Variants in TGM3 observed in about 807,000 individuals in gnomAD.
The protein encoded by TGM3 is transglutaminase 3.
In TGM3, 52 loss-of-function variants were observed where a neutral mutation model predicts 73.8. The observed-to-expected ratio is 0.70, with a 90% CI of 0.56 to 0.89. The LOEUF (loss-of-function observed/expected upper bound fraction) is 0.89, where lower values mean the gene tolerates loss of function less well. Ranked by LOEUF, TGM3 falls within the 40% of genes least tolerant of loss-of-function variation. The pLI is 0.00. For synonymous variants in TGM3, 372 were observed against 354.9 expected (o/e 1.05, Z -0.54); for missense variants, 928 against 909.9 (o/e 1.02, Z -0.26).
intron 7 of TGM3, among the ~76,000 whole-genome samples, chr20:2,319,824 C>T (rs2084253770): frequency 1.3e-5 from 2 of 152,258 alleles, no homozygotes; most frequent in Admixed American, 6.5e-5. Flanking sequence ...CAGGGAGTCC[C>T]AAGCACTAGC....
rs759823191 is a variant in TGM3, at chr20:2,334,826, C to T, written c.1643-290C>T. On this transcript the variant is annotated intron_variant, in intron 10 of 12. Coordinates refer to ENST00000381458, the MANE Select transcript of TGM3 (RefSeq NM_003245.4). The surrounding 1 kb of genome is among the most constrained non-coding windows in gnomAD (Gnocchi z 4.0). ...AAAAAAAAGGACACTTGCCCTCCAA[C>T]ATTTTTCGGAGTCGGGAGGAAGCAG... Among the ~76,000 whole-genome samples the T allele has an allele frequency of 5.9e-5, 9 of 152,244 alleles. No individual in the cohort carries two copies. The highest frequency in any genetic ancestry group is 1.0e-4 in the Non-Finnish European group (7 of 68,042).
At chr20:2,307,496 A>C (rs974423565) in intron 1 of TGM3, among the ~76,000 whole-genome samples, 1 of 151,796 alleles carries the variant, frequency 6.6e-6, no homozygotes, top group Non-Finnish European at 1.5e-5. Flanking sequence ...ACCCGGCAAA[A>C]TTCTCTCTCC....
intron 1 of TGM3, among the ~76,000 whole-genome samples, chr20:2,299,146 TTGTG>T (rs1203217918): frequency 3.9e-5 from 6 of 152,132 alleles, no homozygotes; most frequent in Admixed American, 1.3e-4. Flanking sequence ...GTCACTTAAC[TTGTG>T]TGTCTCAGTT....
At chr20:2,316,219 T>C (rs937095161) in intron 5 of TGM3, among the ~76,000 whole-genome samples, 1 of 152,208 alleles carries the variant, frequency 6.6e-6, no homozygotes, top group East Asian at 1.9e-4. Flanking sequence ...AATAGCTGAA[T>C]GAATGAAAGA....
At chr20:2,312,356 C>T (rs190192559) in intron 4 of TGM3, among the ~76,000 whole-genome samples, 3 of 133,516 alleles carry the variant, frequency 2.2e-5, no homozygotes, top group Admixed American at 8.9e-5. Context: ...GAGATCATAC[C>T]ACTGCACTCC....
rs214830 is a variant in TGM3 at position 2,340,459 on chromosome 20, G to T, written c.1960G>T (p.Gly654Trp). The T allele has an allele frequency of 7.3e-5, 118 of 1,613,748 alleles. No homozygotes were observed. Among genetic ancestry groups the T allele is most frequent in the East Asian group, 5.4e-4 (24 of 44,844 alleles). The change falls in exon 13 of 13, where the codon GGG becomes TGG. Residue 654 changes from glycine to tryptophan, a missense_variant. Physicochemically the swap from Gly to Trp is radical, Grantham distance 184. Coordinates refer to ENST00000381458, the MANE Select transcript of TGM3 (RefSeq NM_003245.4). ...IDVPTLGPKE[G>W]SRVRFDILPS... ...CGTGCCGACCCTAGGGCCCAAGGAGGGGTCCCGGGTCCGTTTTGATATCCT... is the reference window on the plus strand; with the variant it reads ...CGTGCCGACCCTAGGGCCCAAGGAGTGGTCCCGGGTCCGTTTTGATATCCT...
At chr20:2,300,353 T>C (rs559986578) in intron 1 of TGM3, among the ~76,000 whole-genome samples, 112 of 152,290 alleles carry the variant, frequency 7.4e-4, no homozygotes, top group African/African-American at 2.6e-3. Context: ...CTCAGACCAA[T>C]AGAACATTCC....
chr20:2,296,863 G>T (rs2084111446), intron 1 of TGM3, among the ~76,000 whole-genome samples: 1 of 152,174 alleles, frequency 6.6e-6, no homozygotes, highest in South Asian at 2.1e-4. Flanking sequence ...TGACAGGGAC[G>T]CCAAATCCAA....
intron 1 of TGM3, among the ~76,000 whole-genome samples, chr20:2,305,494 C>A (rs991856245): frequency 3.3e-5 from 5 of 152,364 alleles, no homozygotes; most frequent in African/African-American, 1.2e-4. Flanking sequence ...ACTACCTGGT[C>A]TCTCTGAGCC....
intron 1 of TGM3, among the ~76,000 whole-genome samples, chr20:2,308,305 A>G (rs992164371): frequency 1.3e-5 from 2 of 152,214 alleles, no homozygotes; most frequent in Non-Finnish European, 2.9e-5. Flanking sequence ...TGTGTCTGGC[A>G]CTGGAATGCA....
chr20:2,331,151 T>C (rs536893616), intron 9 of TGM3, among the ~76,000 whole-genome samples: 20 of 152,216 alleles, frequency 1.3e-4, no homozygotes, highest in African/African-American at 4.8e-4. Flanking sequence ...CACTCTTCCT[T>C]GTGTACCTGT....
intron 7 of TGM3, among the ~76,000 whole-genome samples, chr20:2,318,391 A>G (rs2084246666): frequency 6.6e-6 from 1 of 152,216 alleles, no homozygotes; most frequent in African/African-American, 2.4e-5. Flanking sequence ...ATCAATACAC[A>G]CACACACGTA....
At chr20:2,337,788 C>T (rs938241346) in intron 11 of TGM3, among the ~76,000 whole-genome samples, 1 of 152,120 alleles carries the variant, frequency 6.6e-6, no homozygotes, top group African/African-American at 2.4e-5. Context: ...TGTCCTCAAA[C>T]CTTCTTCCAG....
In TGM3 at chr20:2,327,133, C is replaced by T. The variant is rs374865657; in HGVS notation, c.1088-987C>T. On this transcript the variant is annotated intron_variant, in intron 8 of 12. Transcript: ENST00000381458. Reference sequence around the variant, plus strand: ...GAAAAGAAAATGAAATGGAATGGAACGGAAAGCAGGGAAAAGAACATAAAC... The same window carrying T: ...GAAAAGAAAATGAAATGGAATGGAATGGAAAGCAGGGAAAAGAACATAAAC... Among the ~76,000 whole-genome samples, 13 of 152,128 alleles carry T rather than the reference C, an allele frequency of 8.5e-5. No individual in the cohort carries two copies. In the East Asian group the frequency reaches 1.4e-3, roughly 16 times the overall value.
intron 7 of TGM3, among the ~76,000 whole-genome samples, chr20:2,318,560 C>T (rs2084247499): frequency 5.3e-5 from 8 of 152,112 alleles, no homozygotes. Context: ...TGGCAATTGG[C>T]AATGATGTCT....
intron 7 of TGM3, among the ~76,000 whole-genome samples, chr20:2,320,973 G>C (rs900730648): frequency 2.0e-5 from 3 of 152,274 alleles, no homozygotes; most frequent in African/African-American, 2.4e-5. Flanking sequence ...CCCTGCCAGG[G>C]AGGTGAAGTC....
intron 1 of TGM3, among the ~76,000 whole-genome samples, chr20:2,297,900 T>C (rs921702948): frequency 2.6e-5 from 4 of 152,174 alleles, no homozygotes; most frequent in Non-Finnish European, 5.9e-5. Context: ...CCACCGGTTT[T>C]TTAGGTGAGC....
In TGM3 at chr20:2,339,867, C is replaced by T. The variant is rs1160042828; in HGVS notation, c.1814C>T (p.Ala605Val). The T allele has an allele frequency of 6.2e-7, 1 of 1,613,942 alleles. No homozygotes were observed. The highest frequency in any genetic ancestry group is 1.3e-5 in the African/African-American group (1 of 74,940). Residue 605 changes from alanine to valine, a missense_variant, in exon 12 of 13, where the codon GCT becomes GTT. Ala to Val is a moderately conservative substitution (Grantham distance 64). Coordinates refer to ENST00000381458, the MANE Select transcript of TGM3 (RefSeq NM_003245.4). ...PTLTLEVLNE[A>V]RVRKPVNVQM... The stretch of plus-strand genomic sequence containing the variant: ...TCTCCCCCATAGGTGCTGAACGAGG[C>T]TCGTGTGCGGAAGCCTGTGAACGTG...
chr20:2,340,288 G>A lies in TGM3; in HGVS notation c.1935-146G>A, dbSNP rs542742283. Reference sequence around the variant, plus strand: ...AGAGTTCCAGGGCTGGAGGGGCCCCGTAACCCAGAGAGACAGCTAGAGGGA... The same window carrying A: ...AGAGTTCCAGGGCTGGAGGGGCCCCATAACCCAGAGAGACAGCTAGAGGGA... On this transcript the variant is annotated intron_variant, in intron 12 of 12. Coordinates refer to ENST00000381458, the MANE Select transcript of TGM3 (RefSeq NM_003245.4). 5.1e-4 allele frequency: 657 copies of A among 1,287,092 alleles called. 7 individuals are homozygous for A. The East Asian group carries it at 9.8e-3, about 19-fold the overall frequency. The allele number at this position is 1,287,092 out of a possible 1,614,324, so 79.7% of individuals were successfully genotyped here.
Sources: allele counts gnomAD v4.1 joint callset (sites outside exome capture counted in the v4.1 genomes callset), GRCh38; gene constraint gnomAD v4.1.1; non-coding constraint Gnocchi (gnomAD v3.1); transcripts MANE v1.5; gene names NCBI Gene and HGNC (gene_info 2026-07-23, HGNC 2026-07-21).